CCDC82: variants seen among roughly 807,000 people sequenced by gnomAD.
CCDC82 encodes the protein coiled-coil domain-containing protein 82.
A neutral mutation model predicts 60.6 loss-of-function variants in CCDC82; 47 were observed. The ratio of observed to expected loss-of-function variants is 0.77; its 90% CI spans 0.61 to 0.99. CCDC82 has a LOEUF of 0.99. Among genes scored for constraint, CCDC82 ranks in the 50% least tolerant of loss-of-function variants. The probability of loss-of-function intolerance (pLI) is 0.00; values close to 1 mark genes in which losing one functional copy is unlikely to be tolerated. For synonymous variants in CCDC82, 212 were observed against 207.4 expected (o/e 1.02, Z -0.19); for missense variants, 588 against 633.0 (o/e 0.93, Z 0.76).
At chr11:96,383,103 G>A (rs1003264364) in intron 5 of CCDC82, 166 bp downstream of exon 5, 1 of 574,870 alleles carries the variant, frequency 1.7e-6, no homozygotes, top group Non-Finnish European at 3.1e-6. Context: ...AAATGTAAAT[G>A]GTTCCTGAGA....
At chr11:96,376,060 A>G (rs182623987) in intron 5 of CCDC82, among the ~76,000 whole-genome samples, 11 of 152,344 alleles carry the variant, frequency 7.2e-5, no homozygotes, top group African/African-American at 2.2e-4. Context: ...AAAACTGGAA[A>G]AAGTATTAAA....
intron 6 of CCDC82, among the ~76,000 whole-genome samples, chr11:96,371,956 TATTA>T (rs1250642081): frequency 6.6e-6 from 1 of 152,224 alleles, no homozygotes; most frequent in Admixed American, 6.5e-5. Context: ...TTTGAAGTTT[TATTA>T]ATTAATTTAA....
At chr11:96,386,907 G>A (rs1866225469) in intron 2 of CCDC82, 2 of 152,136 alleles carry the variant, frequency 1.3e-5, no homozygotes, top group Non-Finnish European at 2.9e-5. Context: ...ACTATACTGC[G>A]TTACAATACG....
chr11:96,362,579 A>G (rs181936933), intron 8 of CCDC82, among the ~76,000 whole-genome samples: 2 of 152,260 alleles, frequency 1.3e-5, no homozygotes, highest in East Asian at 1.9e-4. Flanking sequence ...AGTTCTCCCA[A>G]ACTACCTTTC....
intron 5 of CCDC82, among the ~76,000 whole-genome samples, chr11:96,377,253 G>C (rs556183073): frequency 1.3e-5 from 2 of 152,156 alleles, no homozygotes; most frequent in South Asian, 4.2e-4. Flanking sequence ...GCCATGAAAA[G>C]ATATGCTACG....
chr11:96,379,889 G>C lies in CCDC82; in HGVS notation c.991+3380C>G, dbSNP rs577589988. 2.0e-5 allele frequency among the ~76,000 whole-genome samples: 3 copies of C among 151,888 alleles called. No homozygotes were observed. The East Asian group carries it at 5.8e-4, about 29-fold the overall frequency. Reference sequence around the variant, plus strand: ...GACTGGACTGAAGTAATGGGAAAGAGACTGCCCAAACCCACAACCAAAATG... The same window carrying C: ...GACTGGACTGAAGTAATGGGAAAGACACTGCCCAAACCCACAACCAAAATG... On this transcript the variant is annotated intron_variant, in intron 5 of 9. Transcript: ENST00000646818.
intron 5 of CCDC82, 34 bp downstream of exon 5, chr11:96,383,235 A>G (rs192036034): frequency 8.6e-7 from 1 of 1,163,382 alleles, no homozygotes; most frequent in Non-Finnish European, 1.3e-6. Context: ...TCATGAGAAC[A>G]ATTCATGAAA....
At chr11:96,363,845 T>C (rs1383067077) in intron 8 of CCDC82, 2 of 152,214 alleles carry the variant, frequency 1.3e-5, no homozygotes, top group South Asian at 2.1e-4. Context: ...TTTAATTATA[T>C]ACCCTTACAT....
intron 7 of CCDC82, among the ~76,000 whole-genome samples, chr11:96,367,911 C>T (rs1212076793): frequency 6.6e-6 from 1 of 150,786 alleles, no homozygotes; most frequent in African/African-American, 2.4e-5. Flanking sequence ...ACCTCTGCCT[C>T]CCAGGTTCAA....
chr11:96,372,703 T>C lies in CCDC82; in HGVS notation c.1084+672A>G, dbSNP rs1157315979. On this transcript the variant is annotated intron_variant, in intron 6 of 9. Coordinates refer to ENST00000646818, the MANE Select transcript of CCDC82 (RefSeq NM_024725.4). ...AAATATAAATAAATATATAAAAATA[T>C]ATATATACATATATATTTATATATA... 3.6e-4 allele frequency among the ~76,000 whole-genome samples: 52 copies of C among 145,028 alleles called. 1 individual carries two copies. The highest frequency in any genetic ancestry group is 1.2e-4 in the Non-Finnish European group (8 of 66,434).
intron 3 of CCDC82, chr11:96,386,026 A>C (rs1175845359): frequency 6.6e-6 from 1 of 152,140 alleles, no homozygotes; most frequent in South Asian, 2.1e-4. Flanking sequence ...AAAATCTAAA[A>C]ATATGAAAAT....
chr11:96,362,037 C>T (rs1015957090), intron 8 of CCDC82, among the ~76,000 whole-genome samples: 9 of 152,100 alleles, frequency 5.9e-5, no homozygotes, highest in Non-Finnish European at 1.3e-4. Flanking sequence ...CAAGTGATCG[C>T]ACATATGTAA....
In CCDC82 at chr11:96,384,709, A is replaced by C; in HGVS notation, c.39T>G (p.Ser13=). ...ATTTCTGCTCAGGCACGTGACTCTTAGAATTTCTCCTTGTTTCATGTCTTC... is the reference window on the plus strand; with the variant it reads ...ATTTCTGCTCAGGCACGTGACTCTTCGAATTTCTCCTTGTTTCATGTCTTC... ...HVRRHETRRN[S]KSHVPEQKSR... Residue 13 remains serine (S), a synonymous_variant, in exon 4 of 10, where the codon TCT becomes TCG. Coordinates refer to ENST00000646818, the MANE Select transcript of CCDC82 (RefSeq NM_024725.4). 1 of 1,609,362 alleles carries C rather than the reference A, an allele frequency of 6.2e-7. No homozygotes were observed. The highest frequency in any genetic ancestry group is 1.1e-5 in the South Asian group (1 of 89,886).
chr11:96,385,964 C>G (rs1221592525), intron 3 of CCDC82: 2 of 152,146 alleles, frequency 1.3e-5, no homozygotes, highest in East Asian at 3.8e-4. Flanking sequence ...TCCAATATTT[C>G]CACCACAGCA....
chr11:96,385,513 A>G (rs1341909530), intron 3 of CCDC82: 1 of 152,400 alleles, frequency 6.6e-6, no homozygotes, highest in Non-Finnish European at 1.5e-5. Context: ...TAAAGAAGAC[A>G]GCAGTGAAAA....
chr11:96,381,042 G>C (rs1234704594), intron 5 of CCDC82: 1 of 151,642 alleles, frequency 6.6e-6, no homozygotes, highest in Non-Finnish European at 1.5e-5. Context: ...AACTGTGTAC[G>C]TGAGGAAGTA....
chr11:96,373,291 A>G (rs1865380593), intron 6 of CCDC82, 84 bp downstream of exon 6: 3 of 809,128 alleles, frequency 3.7e-6, no homozygotes, highest in Non-Finnish European at 6.0e-6. Context: ...GTTTTGTTTA[A>G]TCTACATAGT....
At chr11:96,381,395 C>G (rs1865871716) in intron 5 of CCDC82, 1 of 151,636 alleles carries the variant, frequency 6.6e-6, no homozygotes, top group African/African-American at 2.4e-5. Flanking sequence ...AAATTTGATT[C>G]ATATCTCCAA....
chr11:96,389,691 G>T (rs1038528286), intron 1 of CCDC82, 153 bp downstream of exon 1: 4 of 152,554 alleles, frequency 2.6e-5, no homozygotes, highest in African/African-American at 9.6e-5. Context: ...GCTGAGGGGC[G>T]TTCTCCGGCC....
Sources: allele counts gnomAD v4.1 joint callset (sites outside exome capture counted in the v4.1 genomes callset), GRCh38; gene constraint gnomAD v4.1.1; transcripts MANE v1.5; gene names NCBI Gene and HGNC (gene_info 2026-07-23, HGNC 2026-07-21).